PRICKLE2: variants seen among roughly 807,000 people sequenced by gnomAD.
The protein encoded by PRICKLE2 is prickle planar cell polarity protein 2.
A neutral mutation model predicts 81.4 loss-of-function variants in PRICKLE2; 21 were observed. That is an observed-to-expected ratio of 0.26 (90% CI 0.18 to 0.37). The LOEUF (loss-of-function observed/expected upper bound fraction) is 0.37, where lower values mean the gene tolerates loss of function less well. Among genes scored for constraint, PRICKLE2 ranks in the 10% least tolerant of loss-of-function variants. PRICKLE2 has a pLI of 1.00. For missense variants in PRICKLE2, 940 were observed against 1,109.0 expected (o/e 0.85, Z 2.16); for synonymous variants, 456 against 421.5 (o/e 1.08, Z -1.00).
intron 1 of PRICKLE2, among the ~76,000 whole-genome samples, chr3:64,203,444 G>A (rs2078625812): frequency 6.6e-6 from 1 of 152,156 alleles, no homozygotes; most frequent in Admixed American, 6.5e-5. Context: ...CTTTTTACTA[G>A]AAAGTCATAC....
At chr3:64,258,845 A>AAAAAGAAAG (rs2079570108) in intron 2 of PRICKLE2, among the ~76,000 whole-genome samples, 2 of 34,000 alleles carry the variant, frequency 5.9e-5, no homozygotes, top group African/African-American at 1.3e-4. Flanking sequence ...AAAAAAAAAA[A>AAAAAGAAAG]AAAGAAAGAA....
At chr3:64,129,998 T>A (rs745550234) in intron 7 of PRICKLE2, among the ~76,000 whole-genome samples, 10 of 152,200 alleles carry the variant, frequency 6.6e-5, no homozygotes, top group African/African-American at 1.4e-4. Context: ...CCAAGAGTTT[T>A]TATTTTATGG....
rs199566606 is a variant in PRICKLE2, at chr3:64,157,308, C to T, written c.454G>A (p.Gly152Ser). The T allele has an allele frequency of 2.0e-5, 32 of 1,614,048 alleles. No homozygotes were observed. The highest frequency in any genetic ancestry group is 8.3e-5 in the Admixed American group (5 of 60,036). ...AAGCACGGCGGGTGCCAGCAAACGC[C>T]GTGGCCAGCGCGTGACGCAAACACA... The part of the protein sequence containing the change: ...IAVFASRAGH[G>S]VCWHPPCFVC... Residue 152 changes from glycine (G) to serine (S), a missense_variant, in exon 5 of 8, where the codon GGC becomes AGC. Gly to Ser is a moderately conservative substitution (Grantham distance 56). Transcript: ENST00000638394.
intron 2 of PRICKLE2, chr3:64,174,695 C>T (rs1233210967): frequency 9.8e-6 from 2 of 204,672 alleles, no homozygotes; most frequent in South Asian, 9.9e-5. Context: ...TGGATTTCAC[C>T]TTTGTGTGTC....
intron 1 of PRICKLE2, among the ~76,000 whole-genome samples, chr3:64,217,306 C>T (rs1213385732): frequency 6.6e-6 from 1 of 152,136 alleles, no homozygotes; most frequent in Non-Finnish European, 1.5e-5. Flanking sequence ...ACTATTAAAA[C>T]TTTAATTTAC....
intron 1 of PRICKLE2, among the ~76,000 whole-genome samples, chr3:64,206,317 C>T (rs1039894786): frequency 3.9e-5 from 6 of 152,136 alleles, no homozygotes; most frequent in Admixed American, 6.5e-5. Flanking sequence ...GAAAGGAGTG[C>T]CGTAGAGTGT....
chr3:64,257,420 T>G (rs2079542589), intron 2 of PRICKLE2, among the ~76,000 whole-genome samples: 1 of 152,122 alleles, frequency 6.6e-6, no homozygotes, highest in African/African-American at 2.4e-5. Flanking sequence ...GGAGGCCTGA[T>G]GGAGAAGAAA....
intron 1 of PRICKLE2, among the ~76,000 whole-genome samples, chr3:64,223,588 A>T (rs1202195370): frequency 1.3e-5 from 2 of 152,192 alleles, no homozygotes; most frequent in Non-Finnish European, 2.9e-5. Context: ...ATCTTTATAG[A>T]CTGAGATGCC....
rs565907981 is a variant in PRICKLE2, at chr3:64,244,038, T to C, written c.129-45071A>G. ...AGTTGCATCTTTCAGGGAAGACCCA[T>C]CACCTGTTTGATGCCATGACGAATC... On this transcript the variant is annotated intron_variant, in intron 2 of 8. Coordinates refer to the PRICKLE2 transcript ENST00000295902. 2.0e-5 allele frequency among the ~76,000 whole-genome samples: 3 copies of C among 152,310 alleles called. No individual in the cohort carries two copies. The East Asian group carries it at 5.8e-4, about 29-fold the overall frequency.
chr3:64,218,331 A>T (rs1197547534), intron 1 of PRICKLE2, among the ~76,000 whole-genome samples: 1 of 152,242 alleles, frequency 6.6e-6, no homozygotes, highest in East Asian at 1.9e-4. Flanking sequence ...TATAATCTCA[A>T]GTACCTGAAA....
At chr3:64,264,706 A>C (rs1354324209) in intron 2 of PRICKLE2, among the ~76,000 whole-genome samples, 6 of 152,266 alleles carry the variant, frequency 3.9e-5, no homozygotes, top group Non-Finnish European at 7.3e-5. Context: ...AGCCTGGGTG[A>C]ATGCAGAGTA....
intron 7 of PRICKLE2, among the ~76,000 whole-genome samples, chr3:64,118,318 T>C (rs2076970891): frequency 6.6e-6 from 1 of 152,136 alleles, no homozygotes; most frequent in Non-Finnish European, 1.5e-5. Flanking sequence ...CCAAAAGCAA[T>C]TGCGACAAAA....
intron 5 of PRICKLE2, among the ~76,000 whole-genome samples, chr3:64,155,419 A>G (rs1374958329): frequency 1.3e-5 from 2 of 152,038 alleles, no homozygotes; most frequent in Non-Finnish European, 2.9e-5. Flanking sequence ...ACAAATTGGA[A>G]TCCTCATTCA....
intron 1 of PRICKLE2, among the ~76,000 whole-genome samples, chr3:64,222,492 G>A (rs1016728071): frequency 3.9e-5 from 6 of 152,180 alleles, no homozygotes; most frequent in Admixed American, 3.3e-4. Flanking sequence ...CAGTCCACTT[G>A]TGTGACAGAA....
intron 7 of PRICKLE2, among the ~76,000 whole-genome samples, chr3:64,114,321 C>T (rs895568867): frequency 2.6e-5 from 4 of 152,124 alleles, no homozygotes; most frequent in Admixed American, 6.6e-5. Flanking sequence ...GCCTTCTTTC[C>T]TCCAAACAAC....
At chr3:64,159,919 C>G in intron 4 of PRICKLE2, 21 bp downstream of exon 4, 3 of 1,614,122 alleles carry the variant, frequency 1.9e-6, no homozygotes, top group Non-Finnish European at 1.7e-6. Flanking sequence ...TGCCTCTTCA[C>G]TCCCCTGAAT....
At position 64,153,228 on chromosome 3, in the gene PRICKLE2, G is replaced by A. The variant is rs763876127; in HGVS notation, c.741C>T (p.Phe247=). The part of the protein sequence containing the change: ...KEGRPYCCHC[F]ESLYAEYCDT... ...CACAATATTCTGCATACAAGGACTC[G>A]AAGCAGTGGCAACAGTAGGGTCTTC... Residue 247 remains phenylalanine (F), a synonymous_variant, in exon 6 of 8, where the codon TTC becomes TTT. Coordinates refer to ENST00000638394, the MANE Select transcript of PRICKLE2 (RefSeq NM_198859.4). The A allele has an allele frequency of 1.1e-5, 18 of 1,614,078 alleles. No individual in the cohort carries two copies. Among genetic ancestry groups the A allele is most frequent in the South Asian group, 2.2e-5 (2 of 91,082 alleles).
intron 7 of PRICKLE2, among the ~76,000 whole-genome samples, chr3:64,125,490 T>G (rs1318826368): frequency 6.6e-6 from 1 of 152,190 alleles, no homozygotes; most frequent in Non-Finnish European, 1.5e-5. Flanking sequence ...CATTGTTGTC[T>G]TATCTTTGGA....
chr3:64,206,048 G>A (rs558991436), intron 1 of PRICKLE2, among the ~76,000 whole-genome samples: 5 of 152,270 alleles, frequency 3.3e-5, no homozygotes, highest in South Asian at 2.1e-4. Context: ...GGCTATTAAC[G>A]GCTTTTAAGA....
Sources: allele counts gnomAD v4.1 joint callset (sites outside exome capture counted in the v4.1 genomes callset), GRCh38; gene constraint gnomAD v4.1.1; transcripts MANE v1.5; gene names NCBI Gene and HGNC (gene_info 2026-07-23, HGNC 2026-07-21).